The following VPS54 variants were observed in gnomAD, a reference collection of about 807,000 sequenced individuals.
The protein encoded by VPS54 is vacuolar protein sorting-associated protein 54.
VPS54 carries 45 observed loss-of-function variants against 121.5 expected under a neutral mutation model. The ratio of observed to expected loss-of-function variants is 0.37; its 90% CI spans 0.29 to 0.47. The LOEUF is 0.47. Ranked by LOEUF, VPS54 falls within the 20% of genes least tolerant of loss-of-function variation. The pLI, the probability that VPS54 is intolerant of heterozygous loss-of-function variation, is 0.99. For synonymous variants in VPS54, 371 were observed against 385.8 expected (o/e 0.96, Z 0.45); for missense variants, 1,090 against 1,131.4 (o/e 0.96, Z 0.52).
rs146856896 is a variant in VPS54, at chr2:63,896,824, ATATCTT to A, written c.2828+666_2828+671del. ...TTAAATTTTATAAAATCTCTTCCCCATATCTTTATCTACATAACTCTTCAAAAAATC... is the reference window on the plus strand; with the variant it reads ...TTAAATTTTATAAAATCTCTTCCCCATATCTACATAACTCTTCAAAAAATC... On this transcript the variant is annotated intron_variant, in intron 22 of 22. Transcript: ENST00000272322. Among the ~76,000 whole-genome samples the A allele has an allele frequency of 3.7e-3, 568 of 152,234 alleles. 11 individuals carry two copies. In the East Asian group the frequency reaches 0.043, roughly 11 times the overall value.
chr2:63,897,696 C>T, intron 21 of VPS54, 106 bp from the exon 22 acceptor site: 1 of 642,474 alleles, frequency 1.6e-6, no homozygotes, highest in South Asian at 2.2e-5. Flanking sequence ...AAAACCTTTG[C>T]TTTGACATAT....
chr2:63,922,527 G>A (rs1435306807), intron 12 of VPS54, among the ~76,000 whole-genome samples: 1 of 152,112 alleles, frequency 6.6e-6, no homozygotes, highest in Non-Finnish European at 1.5e-5. Context: ...AGTACTCGCA[G>A]AAACATTATC....
chr2:63,981,944 A>C, intron 2 of VPS54, 57 bp from the exon 3 acceptor site: 1 of 1,543,926 alleles, frequency 6.5e-7, no homozygotes, highest in Non-Finnish European at 8.7e-7. Flanking sequence ...TCTATGTTTG[A>C]AAGTACACAC....
At chr2:63,959,705 G>A (rs777416119) in intron 7 of VPS54, among the ~76,000 whole-genome samples, 1 of 151,942 alleles carries the variant, frequency 6.6e-6, no homozygotes, top group Non-Finnish European at 1.5e-5. Context: ...TGGGTAACAC[G>A]GCAAGACTCC....
chr2:63,960,954 TTG>T (rs1475420227), intron 7 of VPS54, among the ~76,000 whole-genome samples: 2 of 152,212 alleles, frequency 1.3e-5, no homozygotes, highest in Admixed American at 6.5e-5. Context: ...TCAAAGAAGT[TTG>T]TGACTCAGAA....
intron 11 of VPS54, 46 bp downstream of exon 11, chr2:63,942,419 G>C: frequency 7.5e-7 from 1 of 1,329,472 alleles, no homozygotes. Flanking sequence ...CTAGAAAGCT[G>C]ACTTAATTTT....
At chr2:63,928,889 C>T (rs1674049676) in intron 12 of VPS54, among the ~76,000 whole-genome samples, 1 of 149,124 alleles carries the variant, frequency 6.7e-6, no homozygotes, top group Non-Finnish European at 1.5e-5. Context: ...ACGAAACAGA[C>T]TTTAAACCAA....
At chr2:63,946,894 C>T (rs1056471876) in intron 9 of VPS54, among the ~76,000 whole-genome samples, 10 of 151,998 alleles carry the variant, frequency 6.6e-5, no homozygotes, top group Admixed American at 5.9e-4. Context: ...ACCAATACTT[C>T]TAGGAATCAG....
At chr2:63,905,163 A>G (rs1174503594) in intron 20 of VPS54, among the ~76,000 whole-genome samples, 1 of 152,172 alleles carries the variant, frequency 6.6e-6, no homozygotes, top group African/African-American at 2.4e-5. Context: ...CAGCAAATTA[A>G]ATCCAAAGCA....
In VPS54 at chr2:63,962,077, G is replaced by C; in HGVS notation, c.991C>G (p.Gln331Glu). The change falls in exon 7 of 23, where the codon CAG becomes GAG. Residue 331 changes from glutamine (Q) to glutamate (E), a missense_variant. By Grantham distance (29) the Gln-to-Glu change is conservative. Coordinates refer to ENST00000272322, the MANE Select transcript of VPS54 (RefSeq NM_016516.3). ...ACATACCGGAAACTGTGAATGCCCT[G>C]AAGTTCCTGCTGTAGAACCTCTTGT... The part of the protein sequence containing the change: ...TTQEVLQQEL[Q>E]GIHSFRHLGS... The C allele has an allele frequency of 6.3e-7, 1 of 1,576,744 alleles. No individual in the cohort carries two copies. The highest frequency in any genetic ancestry group is 8.7e-7 in the Non-Finnish European group (1 of 1,154,524).
intron 12 of VPS54, among the ~76,000 whole-genome samples, chr2:63,927,674 CG>C (rs1558997683): frequency 6.6e-6 from 1 of 152,098 alleles, no homozygotes; most frequent in African/African-American, 2.4e-5. Flanking sequence ...GACGAGCTGA[CG>C]GAAGTAGGCT....
intron 1 of VPS54, among the ~76,000 whole-genome samples, chr2:64,005,223 C>A (rs1024145352): frequency 6.7e-6 from 1 of 148,912 alleles, no homozygotes; most frequent in African/African-American, 2.5e-5. Flanking sequence ...CCTGCCTCAG[C>A]CTCCCGAGTA....
intron 20 of VPS54, among the ~76,000 whole-genome samples, chr2:63,907,470 A>G (rs1183271525): frequency 1.3e-5 from 2 of 151,172 alleles, no homozygotes; most frequent in South Asian, 2.1e-4. Flanking sequence ...GTGAGCTGAG[A>G]TCGCGCCATT....
chr2:63,961,794 G>A (rs1390334708), intron 7 of VPS54, among the ~76,000 whole-genome samples: 2 of 152,096 alleles, frequency 1.3e-5, no homozygotes, highest in African/African-American at 4.8e-5. Flanking sequence ...AAATGTTAAT[G>A]TTGTGACTGG....
At chr2:64,013,736 C>A (rs1305612891) in intron 1 of VPS54, among the ~76,000 whole-genome samples, 1 of 146,944 alleles carries the variant, frequency 6.8e-6, no homozygotes, top group Non-Finnish European at 1.5e-5. Context: ...ATATATATAT[C>A]ATATATAATA....
chr2:63,905,122 A>G (rs1021994302), intron 20 of VPS54, among the ~76,000 whole-genome samples: 1 of 152,190 alleles, frequency 6.6e-6, no homozygotes, highest in African/African-American at 2.4e-5. Context: ...CAAATCAAAA[A>G]TCTGGGCTTC....
intron 11 of VPS54, among the ~76,000 whole-genome samples, chr2:63,936,219 G>A (rs561837135): frequency 1.8e-4 from 27 of 152,056 alleles, no homozygotes; most frequent in African/African-American, 6.5e-4. Context: ...AAGTATATCA[G>A]GTATTCTAGG....
chr2:63,947,293 T>C lies in VPS54; in HGVS notation c.1245+90A>G, dbSNP rs1575943929. 4.9e-6 allele frequency: 6 copies of C among 1,216,904 alleles called. No individual in the cohort carries two copies. In the East Asian group the frequency reaches 1.6e-4, roughly 32 times the overall value. The allele number at this position is 1,216,904 out of a possible 1,614,324, so 75.4% of individuals were successfully genotyped here. On this transcript the variant is annotated intron_variant, in intron 9 of 22. Transcript: ENST00000272322. ...TTACATAAATGAGCTATATTACTAT[T>C]ACACTATATATATTATTACTAGGAT...
At chr2:63,894,028 GAACAT>G (rs1422335480) in intron 22 of VPS54, among the ~76,000 whole-genome samples, 1 of 152,088 alleles carries the variant, frequency 6.6e-6, no homozygotes, top group Non-Finnish European at 1.5e-5. Flanking sequence ...AAATAGGAAA[GAACAT>G]AAGAAGTCAC....
Sources: gnomAD v4.1 joint callset for allele counts (sites outside exome capture counted in the v4.1 genomes callset) on GRCh38, gnomAD v4.1.1 for gene constraint, MANE v1.5 for transcripts, NCBI Gene and HGNC (gene_info 2026-07-23, HGNC 2026-07-21) for gene names.